The following FPGS variants were observed in gnomAD, a reference collection of about 807,000 sequenced individuals.
FPGS encodes the protein folylpolyglutamate synthase, mitochondrial.
A neutral mutation model predicts 66.5 loss-of-function variants in FPGS; 53 were observed. That is an observed-to-expected ratio of 0.80 (90% CI 0.64 to 1.00). The LOEUF (loss-of-function observed/expected upper bound fraction) is 1.00, where lower values mean the gene tolerates loss of function less well. Among genes scored for constraint, FPGS ranks in the 50% least tolerant of loss-of-function variants. The pLI, the probability that FPGS is intolerant of heterozygous loss-of-function variation, is 0.00. For missense variants in FPGS, 702 were observed against 807.7 expected, an observed-to-expected ratio of 0.87 and a Z score of 1.59; for synonymous variants, 348 against 350.9, an observed-to-expected ratio of 0.99 and a Z score of 0.09.
At chr9:127,810,140 G>C in intron 13 of FPGS, 34 bp downstream of exon 13, 1 of 1,585,712 alleles carries the variant, frequency 6.3e-7, no homozygotes. Context: ...GCGGCAGGCA[G>C]TCCTGAAGCC....
At position 127,808,883 on chromosome 9, in the gene FPGS, C is replaced by G. The variant is rs758697397; in HGVS notation, c.1054C>G (p.Arg352Gly). The change falls in exon 11 of 15, where the codon CGG becomes GGG. Residue 352 changes from arginine (R) to glycine (G), a missense_variant. Physicochemically the swap from Arg to Gly is moderately radical, Grantham distance 125. This residue lies in a region of FPGS where 351 missense variants were observed against 363.7 expected (regional missense o/e 0.97). Transcript: ENST00000373247. ...APVFQPTSHM[R>G]LGLRNTEWPG... ...TGTGTTCCAGCCCACATCCCACATG[C>G]GGCTCGGTGAGTTAGACCTTCCTGC... 10 of 1,559,686 alleles carry G rather than the reference C, an allele frequency of 6.4e-6. 1 individual carries two copies. In the Admixed American group the frequency reaches 1.9e-4, roughly 30 times the overall value.
Position 127,803,186 on chromosome 9 carries a change from G to A in FPGS, c.138+124G>A, listed in dbSNP as rs540121654. 155 of 1,258,136 alleles carry A rather than the reference G, an allele frequency of 1.2e-4. 1 individual carries two copies. The African/African-American group carries it at 2.2e-3, about 18-fold the overall frequency. 77.9% of individuals were successfully genotyped at this position (1,258,136 alleles called of 1,614,324 possible). A position where few individuals can be genotyped will look rare whatever the true frequency, so the allele number is the denominator to read the frequency against. ...CGGGAGCCCTGGACTGGGGGACTCG[G>A]GGGGCGGAACATCCTGGAGGCTGGG... On this transcript the variant is annotated intron_variant, in intron 1 of 14. Coordinates refer to ENST00000373247, the MANE Select transcript of FPGS (RefSeq NM_004957.6).
In FPGS at chr9:127,804,707, G is replaced by A. The variant is rs767983589; in HGVS notation, c.386+7G>A. The A allele has an allele frequency of 1.2e-6, 2 of 1,613,938 alleles. No individual in the cohort carries two copies. Among genetic ancestry groups the A allele is most frequent in the Admixed American group, 1.7e-5 (1 of 59,990 alleles). On this transcript the variant is annotated splice_region_variant and intron_variant, in intron 4 of 14. Transcript: ENST00000373247. ...TGAAGACGGGATTCTTTAGGTACTG[G>A]CTTGTGGGGGGATGTGGTGTCTGTG... is the stretch of plus-strand genomic sequence containing the variant.
At chr9:127,808,339 C>G in intron 9 of FPGS, 28 bp downstream of exon 9, 2 of 1,599,534 alleles carry the variant, frequency 1.3e-6, no homozygotes, top group Non-Finnish European at 1.7e-6. Context: ...GGGGCAGCGG[C>G]AGGGTGGGTT....
chr9:127,807,202 G>GCCACAGGATGGCAGCTGTGTCT lies in FPGS; in HGVS notation c.502-3_520dup. The GCCACAGGATGGCAGCTGTGTCT allele has an allele frequency of 1.2e-6, 2 of 1,614,068 alleles. No homozygotes were observed. The highest frequency in any genetic ancestry group is 1.7e-6 in the Non-Finnish European group (2 of 1,180,000). Reference sequence around the variant, plus strand: ...GCTCTGGGCCCTGACATGTCCCTGTGCCACAGGATGGCAGCTGTGTCTCCA... The same window carrying GCCACAGGATGGCAGCTGTGTCT: ...GCTCTGGGCCCTGACATGTCCCTGTGCCACAGGATGGCAGCTGTGTCTCCACAGGATGGCAGCTGTGTCTCCA... On this transcript the variant is annotated splice_region_variant and splice_polypyrimidine_tract_variant and intron_variant, in intron 5 of 14. Coordinates refer to ENST00000373247, the MANE Select transcript of FPGS (RefSeq NM_004957.6). This position sits in a 1 kb window ranked among gnomAD's most constrained non-coding sequence, Gnocchi z 5.8.
At position 127,803,368 on chromosome 9, in the gene FPGS, C is replaced by T. The variant is rs949728893; in HGVS notation, c.138+306C>T. On this transcript the variant is annotated intron_variant, in intron 1 of 14. Transcript: ENST00000373247. ...CGGTGCTTCTGGAGTTCCAGTGATCCCGGAGTCTGAACCGGCAGTGAGAGT... is the reference window on the plus strand; with the variant it reads ...CGGTGCTTCTGGAGTTCCAGTGATCTCGGAGTCTGAACCGGCAGTGAGAGT... The T allele has an allele frequency of 1.7e-5, 19 of 1,130,462 alleles. No homozygotes were observed. The African/African-American group carries it at 3.1e-4, about 18-fold the overall frequency. 70.0% of individuals were successfully genotyped at this position (1,130,462 alleles called of 1,614,324 possible).
At chr9:127,804,749 G>A (rs1163168860) in intron 4 of FPGS, 49 bp downstream of exon 4, 1 of 1,597,940 alleles carries the variant, frequency 6.3e-7, no homozygotes, top group South Asian at 1.1e-5. Flanking sequence ...TGGACCCTGG[G>A]GGGCTATGGA....
intron 1 of FPGS, chr9:127,803,408 G>A: frequency 9.4e-7 from 1 of 1,060,334 alleles, no homozygotes; most frequent in Non-Finnish European, 1.1e-6. Context: ...AAAGAGGGTA[G>A]GGAAGAGACT....
Position 127,802,908 on chromosome 9 carries a change from C to T in FPGS, c.-17C>T, listed in dbSNP as rs974845044. The T allele has an allele frequency of 7.3e-5, 99 of 1,354,574 alleles. No individual in the cohort carries two copies. The highest frequency in any genetic ancestry group is 8.9e-5 in the Non-Finnish European group (94 of 1,059,770). 83.9% of individuals were successfully genotyped at this position (1,354,574 alleles called of 1,614,324 possible). A position where few individuals can be genotyped will look rare whatever the true frequency, so the allele number is the denominator to read the frequency against. ...TCTCCCGCCCGGGCCTAGAGCGCTG[C>T]CGGGGGCGCCGGGACTATGTCGCGG... On this transcript the variant is annotated 5_prime_UTR_variant, in exon 1 of 15. Transcript: ENST00000373247.
intron 8 of FPGS, 57 bp from the exon 9 acceptor site, chr9:127,808,177 A>G: frequency 7.6e-7 from 1 of 1,309,780 alleles, no homozygotes. Context: ...TGGGGGCCAG[A>G]GATAGGAGTG....
chr9:127,808,771 G>T, intron 10 of FPGS, 29 bp from the exon 11 acceptor site: 1 of 1,554,472 alleles, frequency 6.4e-7, no homozygotes, highest in Non-Finnish European at 8.7e-7. Context: ...GGAGGGTCCC[G>T]GACACACTTG....
At chr9:127,809,891 TTGGGGAAGGGCGGGGCGGGGTCG>T (rs1249632520) in intron 12 of FPGS, 57 bp downstream of exon 12, 22 of 667,942 alleles carry the variant, frequency 3.3e-5, no homozygotes, top group South Asian at 2.1e-4. Flanking sequence ...GGGCGGGATC[TTGGGGAAGGGCGGGGCGGGGTCG>T]TGGGGAAGGG....
chr9:127,809,078 TTCTC>T (rs879846661), intron 11 of FPGS, among the ~76,000 whole-genome samples, 189 bp downstream of exon 11: 3,042 of 152,104 alleles, frequency 0.02, 117 homozygotes, highest in African/African-American at 0.069. Context: ...TGAGCCTGTC[TTCTC>T]ATCTGCCAAA....
chr9:127,809,876 A>AGGAGGGGCGGGATCTTGG, intron 12 of FPGS, 42 bp downstream of exon 12: 1 of 704,256 alleles, frequency 1.4e-6, no homozygotes, highest in African/African-American at 2.5e-5. Flanking sequence ...CTGGCCCACG[A>AGGAGGGGCGGGATCTTGG]GGAGGGGCGG....
chr9:127,810,231 C>T (rs1174279425), intron 13 of FPGS, 125 bp downstream of exon 13: 7 of 813,540 alleles, frequency 8.6e-6, no homozygotes, highest in Non-Finnish European at 1.0e-5. Flanking sequence ...GACAAGGTGC[C>T]TGTGCTGGTT....
In FPGS at chr9:127,807,071, G is replaced by C. The variant is rs751153314; in HGVS notation, c.485G>C (p.Arg162Pro). The change falls in exon 5 of 15, where the codon CGG (arginine) becomes CCG (proline). Residue 162 changes from arginine (R) to proline (P), a missense_variant. Transcript: ENST00000373247. The surrounding 1 kb of genome is among the most constrained non-coding windows in gnomAD (Gnocchi z 5.8). ...AAGTACTTCTGGCGCCTCTACCACC[G>C]GCTGGAGGAGACCAAGGTGCCGCAT... ...FTKYFWRLYHRLEETKDGSCV... is the reference protein window; with the variant it reads ...FTKYFWRLYHPLEETKDGSCV... The C allele has an allele frequency of 9.3e-6, 15 of 1,614,084 alleles. No individual in the cohort carries two copies. The highest frequency in any genetic ancestry group is 1.3e-5 in the Non-Finnish European group (15 of 1,179,948).
Position 127,804,279 on chromosome 9 carries a change from T to C in FPGS, c.139-6T>C. ...TAACCTACTATCTGGGCACTGTGGT[T>C]GCCAGGATGCCGTGCGCATGCTCAA... On this transcript the variant is annotated splice_polypyrimidine_tract_variant and splice_region_variant and intron_variant, in intron 1 of 14. Transcript: ENST00000373247. 2 of 1,613,720 alleles carry C rather than the reference T, an allele frequency of 1.2e-6. No individual in the cohort carries two copies. The highest frequency in any genetic ancestry group is 8.5e-7 in the Non-Finnish European group (1 of 1,179,762).
At position 127,802,913 on chromosome 9, in the gene FPGS, G is replaced by A. The variant is rs933158045; in HGVS notation, c.-12G>A. The A allele has an allele frequency of 1.5e-6, 2 of 1,360,108 alleles. No homozygotes were observed. The highest frequency in any genetic ancestry group is 3.1e-5 in the East Asian group (1 of 31,922). The allele number at this position is 1,360,108 out of a possible 1,614,324, so 84.3% of individuals were successfully genotyped here. ...CGCCCGGGCCTAGAGCGCTGCCGGG[G>A]GCGCCGGGACTATGTCGCGGGCGCG... On this transcript the variant is annotated 5_prime_UTR_variant, in exon 1 of 15. Coordinates refer to ENST00000373247, the MANE Select transcript of FPGS (RefSeq NM_004957.6).
At position 127,808,537 on chromosome 9, in the gene FPGS, G is replaced by A. The variant is rs763326521; in HGVS notation, c.823-21G>A. ...GGTCAGGGAGGGCCTCTGCTGACCC[G>A]CTCCTGCCTGTCTCCCCTAGTGTCC... On this transcript the variant is annotated intron_variant, in intron 9 of 14. Transcript: ENST00000373247. The A allele has an allele frequency of 1.6e-5, 26 of 1,611,382 alleles. 1 individual carries two copies. The highest frequency in any genetic ancestry group is 3.3e-5 in the South Asian group (3 of 90,796).
Sources: allele counts gnomAD v4.1 joint callset (sites outside exome capture counted in the v4.1 genomes callset), GRCh38; gene constraint gnomAD v4.1.1; regional missense constraint gnomAD v4.1.1; non-coding constraint Gnocchi (gnomAD v3.1); transcripts MANE v1.5; gene names NCBI Gene and HGNC (gene_info 2026-07-23, HGNC 2026-07-21).